The following NRG3 variants were observed in gnomAD, a reference collection of about 807,000 sequenced individuals.
NRG3 encodes the protein neuregulin 3.
Under a neutral mutation model 66.9 loss-of-function variants are expected in NRG3, and 31 were observed. That is an observed-to-expected ratio of 0.46 (90% CI 0.35 to 0.63). The LOEUF is 0.63. Ranked by LOEUF, NRG3 falls within the 20% of genes least tolerant of loss-of-function variation. NRG3 has a pLI of 0.00. For missense variants in NRG3, 910 were observed against 878.9 expected (o/e 1.04, Z -0.45); for synonymous variants, 393 against 359.4 (o/e 1.09, Z -1.06).
chr10:82,542,378 A>G (rs966195078), intron 2 of NRG3, among the ~76,000 whole-genome samples: 2 of 152,240 alleles, frequency 1.3e-5, no homozygotes, highest in African/African-American at 4.8e-5. Context: ...AGGAGAGTCA[A>G]TTTATCAGGC....
intron 2 of NRG3, among the ~76,000 whole-genome samples, chr10:82,476,742 T>TA (rs1187120445): frequency 6.6e-6 from 1 of 152,164 alleles, no homozygotes; most frequent in Non-Finnish European, 1.5e-5. Flanking sequence ...CAGTTACAGA[T>TA]ATTCAGTTTG....
intron 4 of NRG3, among the ~76,000 whole-genome samples, chr10:82,874,734 C>A (rs1005840777): frequency 6.6e-6 from 1 of 152,158 alleles, no homozygotes; most frequent in African/African-American, 2.4e-5. Flanking sequence ...AATTATCTTT[C>A]TAAAGAGCAA....
At position 82,442,617 on chromosome 10, in the gene NRG3, G is replaced by T. The variant is rs1202958018; in HGVS notation, c.953+83749G>T. 2.0e-5 allele frequency among the ~76,000 whole-genome samples: 3 copies of T among 152,010 alleles called. No homozygotes were observed. In the South Asian group the frequency reaches 6.2e-4, roughly 32 times the overall value. On this transcript the variant is annotated intron_variant, in intron 2 of 8. Transcript: ENST00000372141. Reference sequence around the variant, plus strand: ...GGAGATGGTGCAGCACAGTCTCCATGCCCTTCTGCTTCTGCTTTACTTTTA... The same window carrying T: ...GGAGATGGTGCAGCACAGTCTCCATTCCCTTCTGCTTCTGCTTTACTTTTA...
chr10:82,413,056 GTTA>G (rs1590042693), intron 2 of NRG3, among the ~76,000 whole-genome samples: 1 of 152,050 alleles, frequency 6.6e-6, no homozygotes, highest in East Asian at 1.9e-4. Context: ...TCCAACCTTT[GTTA>G]TTGTTGATAT....
chr10:82,785,843 A>G lies in NRG3; in HGVS notation c.1027+47193A>G, dbSNP rs143329746. ...AAAGCATGTTTGAGAGAGAATATTA[A>G]TAGTGTGACAAAGGTGTTTGCTAAA... On this transcript the variant is annotated intron_variant, in intron 3 of 8. Transcript: ENST00000372141. 2.7e-3 allele frequency among the ~76,000 whole-genome samples: 408 copies of G among 152,316 alleles called. 2 individuals are homozygous for G. The highest frequency in any genetic ancestry group is 8.7e-3 in the African/African-American group (362 of 41,570).
rs540815124 is a variant in NRG3 at position 81,995,782 on chromosome 10, C to T, written c.823+119619C>T. Among the ~76,000 whole-genome samples the T allele has an allele frequency of 5.3e-5, 8 of 152,308 alleles. No individual in the cohort carries two copies. The East Asian group carries it at 1.5e-3, about 29-fold the overall frequency. ...CTTGTGGGTCTTCAATATTCTAGTC[C>T]TACAGAATTCCTTGTACTTTCTGGT... On this transcript the variant is annotated intron_variant, in intron 1 of 8. Coordinates refer to ENST00000372141, the MANE Select transcript of NRG3 (RefSeq NM_001010848.4).
At chr10:82,846,815 G>A (rs1309201900) in intron 3 of NRG3, among the ~76,000 whole-genome samples, 2 of 152,146 alleles carry the variant, frequency 1.3e-5, no homozygotes, top group African/African-American at 4.8e-5. Flanking sequence ...GTTTGGTTTT[G>A]GAGTTGTGGT....
intron 3 of NRG3, among the ~76,000 whole-genome samples, chr10:82,861,089 G>A (rs2064101290): frequency 6.6e-6 from 1 of 152,040 alleles, no homozygotes; most frequent in African/African-American, 2.4e-5. Context: ...AAACCCTGCA[G>A]TAATGATCAC....
intron 1 of NRG3, among the ~76,000 whole-genome samples, chr10:82,231,715 A>T (rs1296297439): frequency 6.6e-6 from 1 of 152,174 alleles, no homozygotes; most frequent in Non-Finnish European, 1.5e-5. Flanking sequence ...GTTGCAGGAG[A>T]CATAATTCAG....
At chr10:82,652,985 C>T (rs756775748) in intron 2 of NRG3, among the ~76,000 whole-genome samples, 1 of 152,094 alleles carries the variant, frequency 6.6e-6, no homozygotes, top group Admixed American at 6.5e-5. Flanking sequence ...CCAAATCAGG[C>T]TGGTATTTGG....
At chr10:82,103,737 G>T (rs1426723199) in intron 1 of NRG3, among the ~76,000 whole-genome samples, 1 of 151,994 alleles carries the variant, frequency 6.6e-6, no homozygotes, top group Non-Finnish European at 1.5e-5. Flanking sequence ...GCTCTCAAGG[G>T]CCTCCTCCAG....
At chr10:82,449,176 T>G (rs2090895686) in intron 2 of NRG3, among the ~76,000 whole-genome samples, 1 of 152,222 alleles carries the variant, frequency 6.6e-6, no homozygotes. Context: ...GGAACAAGGC[T>G]TCCAGATGAT....
At chr10:82,392,657 A>C (rs1428567324) in intron 2 of NRG3, among the ~76,000 whole-genome samples, 1 of 152,180 alleles carries the variant, frequency 6.6e-6, no homozygotes, top group Non-Finnish European at 1.5e-5. Flanking sequence ...TACAAATCAC[A>C]GTGTTCATTG....
intron 1 of NRG3, among the ~76,000 whole-genome samples, chr10:82,244,625 A>G (rs2077151934): frequency 6.6e-6 from 1 of 152,104 alleles, no homozygotes; most frequent in Non-Finnish European, 1.5e-5. Context: ...AGCGGTCCAC[A>G]ACCATTTTGG....
At chr10:82,410,085 A>G (rs754540239) in intron 2 of NRG3, among the ~76,000 whole-genome samples, 44 of 152,032 alleles carry the variant, frequency 2.9e-4, no homozygotes, top group Non-Finnish European at 5.4e-4. Context: ...CAGTTAGTCT[A>G]CCCAGGCCCA....
chr10:82,759,127 T>C (rs1175561450), intron 3 of NRG3, among the ~76,000 whole-genome samples: 1 of 152,086 alleles, frequency 6.6e-6, no homozygotes, highest in East Asian at 1.9e-4. Flanking sequence ...AAGTTCTCCA[T>C]CTAAAGGGAA....
Position 82,184,953 on chromosome 10 carries a change from A to G in NRG3, c.824-173786A>G, listed in dbSNP as rs544494545. Among the ~76,000 whole-genome samples, 169 of 152,300 alleles carry G rather than the reference A, an allele frequency of 1.1e-3. 1 individual carries two copies. Among genetic ancestry groups the G allele is most frequent in the Middle Eastern group, 3.4e-3 (1 of 294 alleles). ...TAATTACATAATTTCATTCCAATTA[A>G]GCTGCTAATTAATTGACAGGGCACC... On this transcript the variant is annotated intron_variant, in intron 1 of 8. Coordinates refer to ENST00000372141, the MANE Select transcript of NRG3 (RefSeq NM_001010848.4).
chr10:82,298,234 G>T (rs1386389050), intron 1 of NRG3, among the ~76,000 whole-genome samples: 1 of 149,684 alleles, frequency 6.7e-6, no homozygotes, highest in African/African-American at 2.4e-5. Flanking sequence ...AGGGAGGGAG[G>T]GAGGAAGGAA....
intron 1 of NRG3, among the ~76,000 whole-genome samples, chr10:82,096,406 G>A (rs2066346036): frequency 6.6e-6 from 1 of 152,022 alleles, no homozygotes; most frequent in Non-Finnish European, 1.5e-5. Flanking sequence ...AACCTGGGAG[G>A]TAGAGGTTGC....
Sources: gnomAD v4.1 joint callset for allele counts (sites outside exome capture counted in the v4.1 genomes callset) on GRCh38, gnomAD v4.1.1 for gene constraint, MANE v1.5 for transcripts, NCBI Gene and HGNC (gene_info 2026-07-23, HGNC 2026-07-21) for gene names.